MMP26: variants seen among roughly 807,000 people sequenced by gnomAD.
MMP26 encodes the protein matrix metallopeptidase 26, also known as matrix metalloproteinase-26.
A neutral mutation model predicts 31.0 loss-of-function variants in MMP26; 33 were observed. The ratio of observed to expected loss-of-function variants is 1.06; its 90% confidence interval spans 0.81 to 1.42. The LOEUF (loss-of-function observed/expected upper bound fraction) is 1.42, where lower values mean the gene tolerates loss of function less well. Ranked by LOEUF, MMP26 falls within the 40% of genes most tolerant of loss-of-function variation. The pLI is 0.00. For missense variants in MMP26, 347 were observed against 316.1 expected, an observed-to-expected ratio of 1.10 and a Z score of -0.74; for synonymous variants, 122 against 114.9, an observed-to-expected ratio of 1.06 and a Z score of -0.40.
chr11:4,914,883 T>C, intron 2 of MMP26: 1 of 1,613,968 alleles, frequency 6.2e-7, no homozygotes, highest in Non-Finnish European at 8.5e-7. Flanking sequence ...GAGAGGCCAA[T>C]CATGGGAGTG....
At chr11:4,839,469 G>C (rs143677982) in intron 2 of MMP26, among the ~76,000 whole-genome samples, 10 of 151,616 alleles carry the variant, frequency 6.6e-5, no homozygotes, top group African/African-American at 1.9e-4. Flanking sequence ...AAAGTAGGAG[G>C]AGCTTGTCTT....
intron 2 of MMP26, chr11:4,821,491 G>A: frequency 6.2e-7 from 1 of 1,612,844 alleles, no homozygotes; most frequent in East Asian, 2.2e-5. Flanking sequence ...AGGCCTGAAA[G>A]CCACCCAGTA....
At chr11:4,984,412 G>C (rs1254651403) in intron 2 of MMP26, among the ~76,000 whole-genome samples, 1 of 152,164 alleles carries the variant, frequency 6.6e-6, no homozygotes, top group African/African-American at 2.4e-5. Context: ...TCAATAAGTT[G>C]TTATAATGAT....
At chr11:4,897,081 A>G (rs948773732) in intron 2 of MMP26, among the ~76,000 whole-genome samples, 3 of 151,718 alleles carry the variant, frequency 2.0e-5, no homozygotes, top group African/African-American at 4.8e-5. Flanking sequence ...ACCTATCCTT[A>G]TATTTAAAGT....
intron 2 of MMP26, among the ~76,000 whole-genome samples, chr11:4,986,932 C>CCCTCTCTCT (rs1846903256): frequency 2.3e-4 from 14 of 60,446 alleles, no homozygotes; most frequent in Non-Finnish European, 3.1e-4. Flanking sequence ...TCTCTCTCTC[C>CCCTCTCTCT]CTCTCTCTCT....
At chr11:4,899,073 T>C (rs1414185172) in intron 2 of MMP26, among the ~76,000 whole-genome samples, 1 of 152,136 alleles carries the variant, frequency 6.6e-6, no homozygotes, top group Non-Finnish European at 1.5e-5. Context: ...GAATGTGGCC[T>C]GCTCACCAAC....
intron 2 of MMP26, among the ~76,000 whole-genome samples, chr11:4,917,984 G>A (rs1278852357): frequency 6.7e-6 from 1 of 150,302 alleles, no homozygotes; most frequent in Non-Finnish European, 1.5e-5. Flanking sequence ...ACATTAAAAT[G>A]AAATAGGATG....
At chr11:4,968,397 G>A (rs1444442132) in intron 2 of MMP26, among the ~76,000 whole-genome samples, 1 of 151,710 alleles carries the variant, frequency 6.6e-6, no homozygotes, top group Non-Finnish European at 1.5e-5. Flanking sequence ...AGTTTTCAGA[G>A]GCCCTCTGGG....
chr11:4,821,409 T>TCTATGTCGGTCCCTTCTCTATAGGGACC (rs1374658027), intron 2 of MMP26: 1 of 1,613,836 alleles, frequency 6.2e-7, no homozygotes, highest in Admixed American at 1.7e-5. Flanking sequence ...CCCTGTCTTC[T>TCTATGTCGGTCCCTTCTCTATAGGGACC]CAGTGCTTCC....
chr11:4,882,233 C>T, intron 2 of MMP26: 5 of 1,613,970 alleles, frequency 3.1e-6, no homozygotes, highest in Non-Finnish European at 4.2e-6. Context: ...TTTCTCCTTG[C>T]TGGAGTCCTC....
At chr11:4,937,061 T>C (rs2133596835) in intron 2 of MMP26, among the ~76,000 whole-genome samples, 1 of 152,314 alleles carries the variant, frequency 6.6e-6, no homozygotes, top group East Asian at 1.9e-4. Flanking sequence ...TTTTCTCTTA[T>C]TATTGTATTG....
intron 1 of MMP26, among the ~76,000 whole-genome samples, chr11:4,750,061 C>T (rs187942210): frequency 6.7e-4 from 102 of 152,052 alleles, no homozygotes; most frequent in African/African-American, 2.3e-3. Context: ...TCAGAATCTA[C>T]GAGGAATTCA....
intron 2 of MMP26, chr11:4,803,525 T>A: frequency 1.2e-6 from 2 of 1,613,916 alleles, no homozygotes; most frequent in Non-Finnish European, 1.7e-6. Context: ...ATGGGAGGTA[T>A]CAGTAGATAG....
chr11:4,854,679 T>C (rs916864069), intron 2 of MMP26, among the ~76,000 whole-genome samples: 2 of 152,224 alleles, frequency 1.3e-5, no homozygotes, highest in African/African-American at 4.8e-5. Context: ...TTCTGCAGAC[T>C]TAAATGTCCC....
intron 1 of MMP26, among the ~76,000 whole-genome samples, chr11:4,734,846 T>TATATAAGCAGGGCATAGGCAGACTAGCA (rs1296636856): frequency 6.6e-6 from 1 of 151,736 alleles, no homozygotes. Context: ...ATAGCATATT[T>TATATAAGCAGGGCATAGGCAGACTAGCA]TCAGCTTGTA....
chr11:4,932,629 C>T (rs1056553143), intron 2 of MMP26, among the ~76,000 whole-genome samples: 2 of 152,132 alleles, frequency 1.3e-5, no homozygotes, highest in African/African-American at 4.8e-5. Flanking sequence ...ATAGACAAGA[C>T]ATCCCTGCTG....
At chr11:4,982,088 T>C (rs1846822218) in intron 2 of MMP26, among the ~76,000 whole-genome samples, 1 of 151,746 alleles carries the variant, frequency 6.6e-6, no homozygotes, top group Middle Eastern at 3.4e-3. Context: ...ATACACACAA[T>C]ATACATACAT....
At chr11:4,775,843 C>A (rs1019292665) in intron 2 of MMP26, among the ~76,000 whole-genome samples, 1 of 152,032 alleles carries the variant, frequency 6.6e-6, no homozygotes, top group African/African-American at 2.4e-5. Context: ...GGTTTTGTTA[C>A]ATGCATATAT....
Position 4,850,547 on chromosome 11 carries a change from G to T in MMP26, c.-145+83206G>T, listed in dbSNP as rs914538507. Among the ~76,000 whole-genome samples, 3 of 151,972 alleles carry T rather than the reference G, an allele frequency of 2.0e-5. No individual in the cohort carries two copies. The East Asian group carries it at 5.8e-4, about 29-fold the overall frequency. On this transcript the variant is annotated intron_variant, in intron 2 of 7. Coordinates refer to ENST00000380390, the MANE Select transcript of MMP26 (RefSeq NM_021801.5). ...ATTTTCTTCCCTGCCCAAATGCCCAGAAAGATTGGAACTGAAATTCTGGAC... is the reference window on the plus strand; with the variant it reads ...ATTTTCTTCCCTGCCCAAATGCCCATAAAGATTGGAACTGAAATTCTGGAC...
Sources: allele counts gnomAD v4.1 joint callset (sites outside exome capture counted in the v4.1 genomes callset), GRCh38; gene constraint gnomAD v4.1.1; transcripts MANE v1.5; gene names NCBI Gene and HGNC (gene_info 2026-07-23, HGNC 2026-07-21).